The following ACBD6 variants were observed in gnomAD, a reference collection of about 807,000 sequenced individuals.
ACBD6 encodes the protein acyl-CoA binding domain containing 6, also known as acyl-CoA-binding domain-containing protein 6.
A neutral mutation model predicts 37.2 loss-of-function variants in ACBD6; 28 were observed. The observed-to-expected ratio is 0.75, with a 90% CI of 0.56 to 1.03. ACBD6 has a LOEUF of 1.03. Ranked by LOEUF, ACBD6 falls within the 50% of genes least tolerant of loss-of-function variation. The pLI is 0.00. For missense variants in ACBD6, 340 were observed against 337.4 expected, an observed-to-expected ratio of 1.01 and a Z score of -0.06; for synonymous variants, 113 against 126.8, an observed-to-expected ratio of 0.89 and a Z score of 0.73.
chr1:180,363,164 C>A (rs1270620793), intron 6 of ACBD6, among the ~76,000 whole-genome samples: 2 of 152,180 alleles, frequency 1.3e-5, no homozygotes, highest in African/African-American at 4.8e-5. Flanking sequence ...GATAGCAGTA[C>A]AGATTAAACA....
At chr1:180,278,826 A>C (rs750630722) in intron 9 of ACBD6, 1 of 149,382 alleles carries the variant, frequency 6.7e-6, no homozygotes, top group Non-Finnish European at 1.5e-5. Context: ...CTGGGGAAAA[A>C]AAAGAAAAAA....
At chr1:180,327,808 C>T (rs1046806325) in intron 6 of ACBD6, among the ~76,000 whole-genome samples, 1 of 152,138 alleles carries the variant, frequency 6.6e-6, no homozygotes, top group Non-Finnish European at 1.5e-5. Context: ...GCTGCAAAAT[C>T]ACTACTATAT....
chr1:180,390,895 G>T (rs918601074), intron 6 of ACBD6, among the ~76,000 whole-genome samples: 2 of 152,000 alleles, frequency 1.3e-5, no homozygotes, highest in African/African-American at 2.4e-5. Flanking sequence ...TTTGAAAAAA[G>T]GCGGAAGAAT....
chr1:180,373,607 G>C (rs916632890), intron 6 of ACBD6, among the ~76,000 whole-genome samples: 1 of 152,168 alleles, frequency 6.6e-6, no homozygotes, highest in Non-Finnish European at 1.5e-5. Context: ...ATACTGGCCA[G>C]TGGGAATTCT....
chr1:180,346,004 G>T (rs760866754), intron 6 of ACBD6, among the ~76,000 whole-genome samples: 16 of 152,142 alleles, frequency 1.1e-4, no homozygotes, highest in Non-Finnish European at 2.2e-4. Flanking sequence ...CTGAAAACCA[G>T]CAGCAAGTGC....
intron 3 of ACBD6, among the ~76,000 whole-genome samples, chr1:180,475,580 T>G (rs1300471256): frequency 6.6e-6 from 1 of 152,096 alleles, no homozygotes; most frequent in Non-Finnish European, 1.5e-5. Flanking sequence ...AGATGAGGTC[T>G]TGCTGTATTG....
chr1:180,377,063 C>T (rs1032954862), intron 6 of ACBD6, among the ~76,000 whole-genome samples: 16 of 151,864 alleles, frequency 1.1e-4, no homozygotes, highest in Admixed American at 2.0e-4. Flanking sequence ...ATGTTTCACA[C>T]AGAGGTATGA....
chr1:180,310,857 G>A (rs1370938177), intron 7 of ACBD6, among the ~76,000 whole-genome samples: 1 of 152,134 alleles, frequency 6.6e-6, no homozygotes, highest in Non-Finnish European at 1.5e-5. Context: ...CAATCTGATC[G>A]GTATGAAGTT....
At chr1:180,384,842 AT>A (rs1175779683) in intron 6 of ACBD6, among the ~76,000 whole-genome samples, 2 of 152,180 alleles carry the variant, frequency 1.3e-5, no homozygotes, top group African/African-American at 4.8e-5. Context: ...AAATCATGAC[AT>A]TTGCAGCAAT....
chr1:180,311,297 G>A (rs913557962), intron 7 of ACBD6, among the ~76,000 whole-genome samples: 1 of 152,210 alleles, frequency 6.6e-6, no homozygotes, highest in Non-Finnish European at 1.5e-5. Context: ...GCTGCTAGCT[G>A]TGCCATGGAT....
At chr1:180,388,706 G>T (rs566612647) in intron 6 of ACBD6, among the ~76,000 whole-genome samples, 1 of 151,888 alleles carries the variant, frequency 6.6e-6, no homozygotes, top group Non-Finnish European at 1.5e-5. Flanking sequence ...CTTCCAAAGT[G>T]CTGGGATTAC....
At chr1:180,418,398 C>A (rs1321760125) in intron 4 of ACBD6, among the ~76,000 whole-genome samples, 2 of 151,904 alleles carry the variant, frequency 1.3e-5, no homozygotes, top group Non-Finnish European at 2.9e-5. Context: ...GGCAACACAG[C>A]AAGACCCTAC....
chr1:180,405,380 CG>C (rs1647571114), intron 5 of ACBD6, among the ~76,000 whole-genome samples: 1 of 151,968 alleles, frequency 6.6e-6, no homozygotes, highest in African/African-American at 2.4e-5. Context: ...CAATAGACTA[CG>C]GAAAATGGCT....
intron 6 of ACBD6, among the ~76,000 whole-genome samples, chr1:180,381,321 T>G (rs1252005680): frequency 6.6e-6 from 1 of 152,008 alleles, no homozygotes; most frequent in African/African-American, 2.4e-5. Flanking sequence ...AGACAGAAAG[T>G]CAACAAAGAA....
exon 14 of ACBD6, chr1:180,271,212 C>G: frequency 1.4e-6 from 1 of 739,040 alleles, no homozygotes; most frequent in South Asian, 1.5e-5. Context: ...GTGCAGGAGT[C>G]AGTGCCATGA....
At chr1:180,276,883 G>GTT (rs2149270778) in intron 9 of ACBD6, 1 of 4,182 alleles carries the variant, frequency 2.4e-4, no homozygotes, top group Admixed American at 3.0e-3. Flanking sequence ...ATCACTGTAA[G>GTT]TAAGTTGACC....
chr1:180,289,305 G>A (rs1289626841), intron 7 of ACBD6, among the ~76,000 whole-genome samples: 1 of 151,992 alleles, frequency 6.6e-6, no homozygotes, highest in Non-Finnish European at 1.5e-5. Flanking sequence ...ACTCACTAAA[G>A]GCAAAAAGAG....
At chr1:180,357,242 A>G (rs1652664456) in intron 6 of ACBD6, among the ~76,000 whole-genome samples, 1 of 152,248 alleles carries the variant, frequency 6.6e-6, no homozygotes, top group African/African-American at 2.4e-5. Context: ...AGGTAATAGT[A>G]GCTATATTTC....
intron 6 of ACBD6, among the ~76,000 whole-genome samples, chr1:180,377,151 G>A (rs1369639698): frequency 6.6e-6 from 1 of 152,058 alleles, no homozygotes; most frequent in Non-Finnish European, 1.5e-5. Context: ...AATAAGAGCT[G>A]AGTTTCTGTG....
Sources: allele counts gnomAD v4.1 joint callset (sites outside exome capture counted in the v4.1 genomes callset), GRCh38; gene constraint gnomAD v4.1.1; transcripts MANE v1.5; gene names NCBI Gene and HGNC (gene_info 2026-07-23, HGNC 2026-07-21).